The following KLHDC10 variants were observed in gnomAD, a reference collection of about 807,000 sequenced individuals.
The protein encoded by KLHDC10 is kelch domain-containing protein 10.
Under a neutral mutation model 56.1 loss-of-function variants are expected in KLHDC10, and 24 were observed. The ratio of observed to expected loss-of-function variants is 0.43; its 90% CI spans 0.31 to 0.60. The LOEUF is 0.60. Among genes scored for constraint, KLHDC10 ranks in the 20% least tolerant of loss-of-function variants. The pLI is 0.11. For synonymous variants in KLHDC10, 188 were observed against 207.1 expected, an observed-to-expected ratio of 0.91 and a Z score of 0.79; for missense variants, 349 against 567.0, an observed-to-expected ratio of 0.62 and a Z score of 3.91.
chr7:130,071,212 C>T (rs528275470), intron 1 of KLHDC10, among the ~76,000 whole-genome samples: 2 of 152,224 alleles, frequency 1.3e-5, no homozygotes, highest in East Asian at 1.9e-4. Flanking sequence ...AAGAAGGAAA[C>T]GCATTCCAAG....
chr7:130,088,359 C>T (rs939207586), intron 1 of KLHDC10, among the ~76,000 whole-genome samples: 3 of 151,788 alleles, frequency 2.0e-5, no homozygotes, highest in African/African-American at 7.3e-5. Context: ...ACTGCAACCT[C>T]TGCCTCCTGG....
At chr7:130,128,909 T>A (rs1271010246) in intron 8 of KLHDC10, among the ~76,000 whole-genome samples, 15 of 128,050 alleles carry the variant, frequency 1.2e-4, no homozygotes, top group Non-Finnish European at 2.0e-4. Flanking sequence ...TATATATATA[T>A]ATATATATAT....
At chr7:130,127,473 T>TG (rs1352258799) in intron 8 of KLHDC10, 22 bp downstream of exon 8, 6 of 1,555,696 alleles carry the variant, frequency 3.9e-6, no homozygotes, top group Middle Eastern at 1.7e-4. Flanking sequence ...AAATAACATT[T>TG]TGCTTCCATT....
chr7:130,128,426 A>G (rs1010381973), intron 8 of KLHDC10, among the ~76,000 whole-genome samples: 1 of 152,238 alleles, frequency 6.6e-6, no homozygotes, highest in Non-Finnish European at 1.5e-5. Flanking sequence ...GTTACAAGTT[A>G]TCTAATTAGT....
intron 1 of KLHDC10, among the ~76,000 whole-genome samples, chr7:130,086,263 G>A (rs1185767447): frequency 2.6e-5 from 4 of 151,996 alleles, no homozygotes; most frequent in Non-Finnish European, 4.4e-5. Flanking sequence ...ACTTTTACCA[G>A]TATCAGTATT....
At chr7:130,113,809 C>A (rs2116897822) in intron 2 of KLHDC10, among the ~76,000 whole-genome samples, 1 of 152,334 alleles carries the variant, frequency 6.6e-6, no homozygotes, top group Non-Finnish European at 1.5e-5. Context: ...GACTGCATTT[C>A]TTTTCATATT....
Position 130,077,162 on chromosome 7 carries a change from C to G in KLHDC10, c.166+6353C>G, listed in dbSNP as rs35684280. Among the ~76,000 whole-genome samples the G allele has an allele frequency of 7.3e-5, 11 of 151,702 alleles. 1 individual carries two copies. The highest frequency in any genetic ancestry group is 7.2e-4 in the Admixed American group (11 of 15,236). On this transcript the variant is annotated intron_variant, in intron 1 of 9. Transcript: ENST00000335420. Reference sequence around the variant, plus strand: ...TTGAGGCCAGGAGCTTGAGACCAGTCTGACCAACATGGGGAAACCCCATCT... The same window carrying G: ...TTGAGGCCAGGAGCTTGAGACCAGTGTGACCAACATGGGGAAACCCCATCT...
At position 130,134,173 on chromosome 7, in the gene KLHDC10, T is replaced by G. The variant is rs1440521136; in HGVS notation, c.*3427T>G. 1 of 152,190 alleles carries G rather than the reference T, an allele frequency of 6.6e-6. No individual in the cohort carries two copies. Among genetic ancestry groups the G allele is most frequent in the Non-Finnish European group, 1.5e-5 (1 of 68,030 alleles). The allele number at this position is 152,190 out of a possible 1,614,324, so 9.4% of individuals were successfully genotyped here. ...CATTTACATTTCTTTTTCCTCCCTATCCTTTCCTGTAAGCACCTGTTTTTC... is the reference window on the plus strand; with the variant it reads ...CATTTACATTTCTTTTTCCTCCCTAGCCTTTCCTGTAAGCACCTGTTTTTC... On this transcript the variant is annotated 3_prime_UTR_variant, in exon 10 of 10. Transcript: ENST00000335420.
chr7:130,125,789 T>G, intron 6 of KLHDC10, 76 bp from the exon 7 acceptor site: 1 of 1,176,108 alleles, frequency 8.5e-7, no homozygotes, highest in Non-Finnish European at 1.2e-6. Flanking sequence ...AAGTCTATTT[T>G]TTAAAAAATC....
At chr7:130,119,880 T>G (rs574713401) in intron 3 of KLHDC10, among the ~76,000 whole-genome samples, 9 of 134,404 alleles carry the variant, frequency 6.7e-5, no homozygotes, top group African/African-American at 2.5e-4. Flanking sequence ...TGAAATAACA[T>G]AGGAGCACTA....
At position 130,132,106 on chromosome 7, in the gene KLHDC10, C is replaced by T. The variant is rs1796409345; in HGVS notation, c.*1360C>T. Reference sequence around the variant, plus strand: ...AAAAAGAATGACATAAATTTTCACTCGCTTTGCCATCTGGCTGCTAGGGGA... The same window carrying T: ...AAAAAGAATGACATAAATTTTCACTTGCTTTGCCATCTGGCTGCTAGGGGA... On this transcript the variant is annotated 3_prime_UTR_variant, in exon 10 of 10. Transcript: ENST00000335420. 6.6e-6 allele frequency: 1 copy of T among 151,754 alleles called. No individual in the cohort carries two copies. Among genetic ancestry groups the T allele is most frequent in the African/African-American group, 2.4e-5 (1 of 41,268 alleles). 9.4% of individuals were successfully genotyped at this position (151,754 alleles called of 1,614,324 possible). A position where few individuals can be genotyped will look rare whatever the true frequency, so the allele number is the denominator to read the frequency against.
chr7:130,097,142 A>C, intron 2 of KLHDC10, 135 bp downstream of exon 2: 1 of 566,828 alleles, frequency 1.8e-6, no homozygotes, highest in Non-Finnish European at 3.1e-6. Flanking sequence ...AGAAAAATCT[A>C]GAACTTAATT....
rs1331529612 is a variant in KLHDC10 at position 130,116,533 on chromosome 7, T to C, written c.342T>C (p.Tyr114=). 1.2e-6 allele frequency: 2 copies of C among 1,614,020 alleles called. No homozygotes were observed. Among genetic ancestry groups the C allele is most frequent in the Non-Finnish European group, 1.7e-6 (2 of 1,180,008 alleles). ...TGTTTGGAGGTTATAACCCAGATTA[T>C]GATGAATCGGGAGGGCCTGATAATG... The part of the protein sequence containing the change: ...LYVFGGYNPD[Y]DESGGPDNED... The change falls in exon 3 of 10, where the codon TAT becomes TAC. Residue 114 remains tyrosine (Y), a synonymous_variant. Coordinates refer to ENST00000335420, the MANE Select transcript of KLHDC10 (RefSeq NM_014997.4). This position sits in a 1 kb window ranked among gnomAD's most constrained non-coding sequence, Gnocchi z 4.8.
At chr7:130,083,600 A>G (rs941913995) in intron 1 of KLHDC10, among the ~76,000 whole-genome samples, 4 of 152,134 alleles carry the variant, frequency 2.6e-5, no homozygotes, top group Non-Finnish European at 5.9e-5. Flanking sequence ...ACTTTAATCT[A>G]CATAGCATTT....
At chr7:130,103,970 C>A (rs1030627950) in intron 2 of KLHDC10, among the ~76,000 whole-genome samples, 1 of 152,076 alleles carries the variant, frequency 6.6e-6, no homozygotes, top group Admixed American at 6.6e-5. Context: ...TGTCTGTAAT[C>A]CCAGCTACTC....
chr7:130,079,550 G>T (rs910646761), intron 1 of KLHDC10, among the ~76,000 whole-genome samples: 6 of 151,986 alleles, frequency 3.9e-5, no homozygotes, highest in African/African-American at 1.5e-4. Flanking sequence ...TTACTTTGTC[G>T]TGGTGTATTA....
At chr7:130,118,416 T>C (rs1018177739) in intron 3 of KLHDC10, among the ~76,000 whole-genome samples, 3 of 152,230 alleles carry the variant, frequency 2.0e-5, no homozygotes, top group African/African-American at 7.2e-5. Context: ...GTCAGGGCCT[T>C]GCTCTGAATT....
chr7:130,127,296 A>G, intron 7 of KLHDC10, 108 bp from the exon 8 acceptor site: 1 of 872,550 alleles, frequency 1.1e-6, no homozygotes, highest in Admixed American at 1.9e-5. Context: ...AACATGTAAC[A>G]AAGGGATTGT....
At chr7:130,096,346 G>C (rs1795847335) in intron 1 of KLHDC10, among the ~76,000 whole-genome samples, 1 of 152,148 alleles carries the variant, frequency 6.6e-6, no homozygotes. Context: ...TGGGAAGGCA[G>C]ATGAGCCCCT....
Sources: gnomAD v4.1 joint callset for allele counts (sites outside exome capture counted in the v4.1 genomes callset) on GRCh38, gnomAD v4.1.1 for gene constraint, Gnocchi (gnomAD v3.1) non-coding constraint, MANE v1.5 for transcripts, NCBI Gene and HGNC (gene_info 2026-07-23, HGNC 2026-07-21) for gene names.